Variants in TARS3 observed in about 807,000 individuals in gnomAD.
The protein encoded by TARS3 is threonine--tRNA ligase 2, cytoplasmic.
In TARS3, 94 loss-of-function variants were observed where a neutral mutation model predicts 103.5. That is an observed-to-expected ratio of 0.91 (90% CI 0.77 to 1.08). TARS3 has a LOEUF of 1.08. Among genes scored for constraint, TARS3 ranks in the 50% least tolerant of loss-of-function variants. The probability of loss-of-function intolerance (pLI) is 0.00; values close to 1 mark genes in which losing one functional copy is unlikely to be tolerated. For synonymous variants in TARS3, 416 were observed against 355.4 expected (o/e 1.17, Z -1.92); for missense variants, 952 against 995.2 (o/e 0.96, Z 0.58).
chr15:101,686,088 A>G, intron 10 of TARS3, 26 bp from the exon 11 acceptor site: 1 of 1,581,972 alleles, frequency 6.3e-7, no homozygotes, highest in South Asian at 1.1e-5. Flanking sequence ...ATTCAACATT[A>G]AAATCTGCTA....
chr15:101,677,130 C>T (rs887369705), intron 12 of TARS3, among the ~76,000 whole-genome samples: 4 of 152,260 alleles, frequency 2.6e-5, no homozygotes, highest in South Asian at 2.1e-4. Flanking sequence ...AGTGTTAACT[C>T]GACTGAGCTA....
intron 2 of TARS3, among the ~76,000 whole-genome samples, chr15:101,721,849 C>CT (rs527241608): frequency 3.1e-3 from 476 of 152,248 alleles, no homozygotes; most frequent in Non-Finnish European, 4.2e-3. Context: ...AGAAACTGTA[C>CT]TTTGAGTATC....
intron 11 of TARS3, among the ~76,000 whole-genome samples, chr15:101,684,583 C>T (rs1390819066): frequency 6.6e-6 from 1 of 152,136 alleles, no homozygotes; most frequent in African/African-American, 2.4e-5. Flanking sequence ...GCAGTTTCTC[C>T]TCACGTTCCT....
At chr15:101,681,583 G>T (rs968436735) in intron 12 of TARS3, among the ~76,000 whole-genome samples, 2 of 152,180 alleles carry the variant, frequency 1.3e-5, no homozygotes, top group African/African-American at 4.8e-5. Context: ...CTGCAGGCTG[G>T]GAAATCCAAG....
chr15:101,663,303 A>G (rs972774921), intron 15 of TARS3, among the ~76,000 whole-genome samples: 2 of 152,234 alleles, frequency 1.3e-5, no homozygotes, highest in African/African-American at 4.8e-5. Context: ...AGGAAGCTGA[A>G]AAATTCCTAT....
At chr15:101,657,893 G>GT in intron 16 of TARS3, 36 bp from the exon 17 acceptor site, 2 of 1,269,208 alleles carry the variant, frequency 1.6e-6, no homozygotes, top group Non-Finnish European at 2.2e-6. Flanking sequence ...TTTTCAAAGT[G>GT]TAATAATGGC....
At chr15:101,678,861 T>G (rs1254056488) in intron 12 of TARS3, among the ~76,000 whole-genome samples, 1 of 152,252 alleles carries the variant, frequency 6.6e-6, no homozygotes, top group Non-Finnish European at 1.5e-5. Context: ...GTCCAATGTC[T>G]TGATTTCCCC....
At chr15:101,702,434 AGTAAAAC>A (rs1567347484) in intron 8 of TARS3, 49 bp from the exon 9 acceptor site, 14 of 1,470,740 alleles carry the variant, frequency 9.5e-6, no homozygotes, top group Non-Finnish European at 1.3e-5. Context: ...TTCAGTTGTA[AGTAAAAC>A]TGCTCTTAAA....
intron 12 of TARS3, among the ~76,000 whole-genome samples, chr15:101,683,461 T>G (rs887197279): frequency 5.8e-4 from 89 of 152,364 alleles, no homozygotes; most frequent in Non-Finnish European, 1.0e-4. Flanking sequence ...TGGTCCAGAA[T>G]ATGGTCTATT....
intron 10 of TARS3, among the ~76,000 whole-genome samples, chr15:101,687,529 G>A (rs550280888): frequency 6.6e-6 from 1 of 152,284 alleles, no homozygotes; most frequent in Non-Finnish European, 1.5e-5. Context: ...GTGTGTGGGT[G>A]TGTGTGTGGC....
rs1321892313 is a variant in TARS3 at position 101,723,103 on chromosome 15, GCCT to G, written c.356_358del (p.Glu119del). On this transcript the variant is annotated inframe_deletion, in exon 2 of 19. Coordinates refer to ENST00000335968, the MANE Select transcript of TARS3 (RefSeq NM_152334.3). ...ACAGCAACAACTTACCTCGCTGTCA[GCCT>G]CGCTTTCCTTCATTTTCTTCTTTTT... 4.3e-6 allele frequency: 7 copies of G among 1,614,024 alleles called. No individual in the cohort carries two copies. In the East Asian group the frequency reaches 1.1e-4, roughly 26 times the overall value.
intron 6 of TARS3, among the ~76,000 whole-genome samples, chr15:101,707,221 C>CT (rs945188500): frequency 3.9e-5 from 6 of 152,166 alleles, no homozygotes; most frequent in East Asian, 3.8e-4. Flanking sequence ...ACTGAACCCC[C>CT]TGTGCATCAC....
At position 101,711,755 on chromosome 15, in the gene TARS3, G is replaced by A. The variant is rs192538520; in HGVS notation, c.812+125C>T. On this transcript the variant is annotated intron_variant, in intron 5 of 18. Coordinates refer to ENST00000335968, the MANE Select transcript of TARS3 (RefSeq NM_152334.3). The stretch of plus-strand genomic sequence containing the variant: ...AACTCGGATTTTCAACTGCATGGGC[G>A]TCGGTGCCCCTAACCCCACATTATG... 1.2e-4 allele frequency: 133 copies of A among 1,131,836 alleles called. 2 individuals carry two copies. The South Asian group carries it at 1.2e-3, about 10-fold the overall frequency. 70.1% of individuals were successfully genotyped at this position (1,131,836 alleles called of 1,614,324 possible). A position where few individuals can be genotyped will look rare whatever the true frequency, so the allele number is the denominator to read the frequency against.
At chr15:101,687,482 T>C (rs193091780) in intron 10 of TARS3, among the ~76,000 whole-genome samples, 2 of 152,264 alleles carry the variant, frequency 1.3e-5, no homozygotes, top group Admixed American at 1.3e-4. Flanking sequence ...TGGTTCCATA[T>C]ATTCAGATTA....
intron 10 of TARS3, among the ~76,000 whole-genome samples, chr15:101,687,182 C>G (rs1414024327): frequency 6.6e-6 from 1 of 152,058 alleles, no homozygotes; most frequent in Non-Finnish European, 1.5e-5. Context: ...GTAAGTGCAT[C>G]ACCTGAGGTC....
intron 13 of TARS3, 85 bp from the exon 14 acceptor site, chr15:101,671,833 C>T (rs2141391539): frequency 9.3e-7 from 1 of 1,073,774 alleles, no homozygotes; most frequent in Non-Finnish European, 1.4e-6. Flanking sequence ...TATAACTCTT[C>T]ATTACAGTCT....
chr15:101,723,094 T>G lies in TARS3; in HGVS notation c.368A>C (p.Glu123Ala), dbSNP rs1463847791. The G allele has an allele frequency of 1.9e-6, 3 of 1,613,988 alleles. No homozygotes were observed. Among genetic ancestry groups the G allele is most frequent in the Non-Finnish European group, 2.5e-6 (3 of 1,179,942 alleles). The change falls in exon 2 of 19, where the codon GAG (glutamate) becomes GCG (alanine). Residue 123 changes from glutamate (E) to alanine (A), a missense_variant and splice_region_variant. Physicochemically the swap from Glu to Ala is moderately radical, Grantham distance 107. Coordinates refer to ENST00000335968, the MANE Select transcript of TARS3 (RefSeq NM_152334.3). Reference sequence around the variant, plus strand: ...ATTGTTTCCACAGCAACAACTTACCTCGCTGTCAGCCTCGCTTTCCTTCAT... The same window carrying G: ...ATTGTTTCCACAGCAACAACTTACCGCGCTGTCAGCCTCGCTTTCCTTCAT... ...KKMKESEADS[E>A]VKHQPIFIKE... is the part of the protein sequence containing the mutation.
chr15:101,723,963 G>T, intron 1 of TARS3, 128 bp downstream of exon 1: 1 of 892,798 alleles, frequency 1.1e-6, no homozygotes, highest in Non-Finnish European at 1.5e-6. Context: ...CGGGCCAGCC[G>T]CAGGGCACTG....
intron 2 of TARS3, among the ~76,000 whole-genome samples, chr15:101,722,036 G>A (rs1199834696): frequency 1.3e-5 from 2 of 152,098 alleles, no homozygotes; most frequent in Admixed American, 6.5e-5. Context: ...ACTAGCTTAC[G>A]TGTATTAAAT....
Sources: gnomAD v4.1 joint callset for allele counts (sites outside exome capture counted in the v4.1 genomes callset) on GRCh38, gnomAD v4.1.1 for gene constraint, MANE v1.5 for transcripts, NCBI Gene and HGNC (gene_info 2026-07-23, HGNC 2026-07-21) for gene names.